ZNF529: variants seen among roughly 807,000 people sequenced by gnomAD.
ZNF529 encodes the protein zinc finger protein 529.
Under a neutral mutation model 10.1 loss-of-function variants are expected in ZNF529, and 11 were observed. That is an observed-to-expected ratio of 1.09 (90% CI 0.69 to 1.81). The LOEUF (loss-of-function observed/expected upper bound fraction) is 1.81, where lower values mean the gene tolerates loss of function less well. ZNF529 is among the 40% of genes most tolerant of loss of function. ZNF529 has a pLI of 0.00. For missense variants in ZNF529, 624 were observed against 666.8 expected, an observed-to-expected ratio of 0.94 and a Z score of 0.71; for synonymous variants, 204 against 215.7, an observed-to-expected ratio of 0.95 and a Z score of 0.47.
chr19:36,570,978 G>A (rs1438199862), intron 2 of ZNF529, among the ~76,000 whole-genome samples: 2 of 152,130 alleles, frequency 1.3e-5, no homozygotes, highest in African/African-American at 2.4e-5. Flanking sequence ...AAACTGTAAA[G>A]CGGAAAAATG....
intron 2 of ZNF529, among the ~76,000 whole-genome samples, chr19:36,562,681 C>CA (rs1474663172): frequency 2.0e-5 from 3 of 151,480 alleles, no homozygotes; most frequent in African/African-American, 4.8e-5. Flanking sequence ...TAAAAAACTA[C>CA]AAAAAAATAG....
At chr19:36,598,496 A>AG (rs527667607) in intron 1 of ZNF529, among the ~76,000 whole-genome samples, 16 of 151,952 alleles carry the variant, frequency 1.1e-4, no homozygotes, top group Admixed American at 1.3e-4. Flanking sequence ...TGGGTGACAG[A>AG]GCAAGACCCT....
At chr19:36,560,853 G>A (rs2035664437) in intron 2 of ZNF529, among the ~76,000 whole-genome samples, 1 of 152,208 alleles carries the variant, frequency 6.6e-6, no homozygotes, top group South Asian at 2.1e-4. Flanking sequence ...TAACTACTCA[G>A]AGTAAAATGT....
At chr19:36,572,453 G>T in intron 1 of ZNF529, 61 bp from the exon 2 acceptor site, 1 of 1,332,108 alleles carries the variant, frequency 7.5e-7, no homozygotes, top group Non-Finnish European at 1.0e-6. Flanking sequence ...TAAGAACACA[G>T]TGTTCACCAC....
upstream of ZNF529, among the ~76,000 whole-genome samples, chr19:36,575,403 G>A (rs1380946503): frequency 6.6e-6 from 1 of 152,140 alleles, no homozygotes; most frequent in Non-Finnish European, 1.5e-5. Context: ...TAGCACAGAA[G>A]TAAAATACTT....
chr19:36,575,712 A>G (rs943563877), upstream of ZNF529, among the ~76,000 whole-genome samples: 5 of 152,288 alleles, frequency 3.3e-5, no homozygotes, highest in African/African-American at 9.6e-5. Flanking sequence ...CTACTTCCCC[A>G]ACCGGTATTA....
intron 1 of ZNF529, 115 bp from the exon 2 acceptor site, chr19:36,572,507 G>A (rs2036160324): frequency 2.6e-6 from 2 of 771,658 alleles, no homozygotes; most frequent in Non-Finnish European, 4.2e-6. Context: ...AGATCGAAGA[G>A]GGAAACTAGA....
chr19:36,546,626 A>G lies in ZNF529; in HGVS notation c.*240T>C, dbSNP rs759686280. 18 of 399,878 alleles carry G rather than the reference A, an allele frequency of 4.5e-5. No homozygotes were observed. The highest frequency in any genetic ancestry group is 8.0e-5 in the Admixed American group (2 of 24,872). The allele number at this position is 399,878 out of a possible 1,614,324, so 24.8% of individuals were successfully genotyped here. Reference sequence around the variant, plus strand: ...ATTGTAAACAAAACATGCCAGGATGAGAAACTCATGAAAAAAACTTTTTAA... The same window carrying G: ...ATTGTAAACAAAACATGCCAGGATGGGAAACTCATGAAAAAAACTTTTTAA... On this transcript the variant is annotated 3_prime_UTR_variant, in exon 5 of 5. Coordinates refer to ENST00000591340, the MANE Select transcript of ZNF529 (RefSeq NM_020951.5).
Position 36,546,941 on chromosome 19 carries a change from A to C in ZNF529, c.1617T>G (p.Cys539Trp). 6.2e-7 allele frequency: 1 copy of C among 1,613,872 alleles called. No homozygotes were observed. The highest frequency in any genetic ancestry group is 8.5e-7 in the Non-Finnish European group (1 of 1,179,810). ...GCCCAACAACACTAAAGGAATTCCC[A>C]CACTCCTTACATTCATAGGGTTTAT... is the stretch of plus-strand genomic sequence containing the variant. ...TDDKPYECKE[C>W]GNSFSVVGHL... Residue 539 changes from cysteine to tryptophan, a missense_variant, in exon 5 of 5, where the codon TGT becomes TGG. Cys to Trp is a radical substitution (Grantham distance 215). Coordinates refer to ENST00000591340, the MANE Select transcript of ZNF529 (RefSeq NM_020951.5).
intron 2 of ZNF529, among the ~76,000 whole-genome samples, chr19:36,585,708 A>G (rs1810289702): frequency 6.6e-6 from 1 of 152,226 alleles, no homozygotes; most frequent in African/African-American, 2.4e-5. Context: ...TTCCTAAGTG[A>G]TTAACTCATG....
intron 2 of ZNF529, among the ~76,000 whole-genome samples, chr19:36,556,496 C>G (rs1272641144): frequency 3.3e-5 from 5 of 152,192 alleles, no homozygotes; most frequent in Non-Finnish European, 7.3e-5. Flanking sequence ...TCACTTTTCA[C>G]TCTGCCCCAG....
At chr19:36,578,899 C>T (rs2036401367) in intron 2 of ZNF529, among the ~76,000 whole-genome samples, 1 of 151,490 alleles carries the variant, frequency 6.6e-6, no homozygotes, top group Non-Finnish European at 1.5e-5. Flanking sequence ...CACCCGGCCA[C>T]ATGTAGTATT....
Position 36,547,316 on chromosome 19 carries a change from CCT to C in ZNF529, c.1240_1241del (p.Arg414AspfsTer5). The C allele has an allele frequency of 6.2e-7, 1 of 1,613,746 alleles. No individual in the cohort carries two copies. The highest frequency in any genetic ancestry group is 1.7e-4 in the Middle Eastern group (1 of 6,058). On this transcript the variant is annotated frameshift_variant, in exon 5 of 5. Coordinates refer to ENST00000591340, the MANE Select transcript of ZNF529 (RefSeq NM_020951.5). LOFTEE classifies it low-confidence loss of function (END_TRUNC). ...RNSSSLTRHQRIHTGEKPYKC... is the reference protein window; with the variant it reads ...RNSSSLTRHQXIHTGEKPYKC... The stretch of plus-strand genomic sequence containing the variant: ...TATAGGGTTTTTCACCAGTATGAAT[CCT>C]CTGATGTCTAGTCAGGGATGAACTA...
intron 1 of ZNF529, among the ~76,000 whole-genome samples, chr19:36,599,777 C>T (rs2036894681): frequency 6.6e-6 from 1 of 151,986 alleles, no homozygotes; most frequent in East Asian, 1.9e-4. Context: ...ATTAAGAAAA[C>T]TGTGAGCAAA....
chr19:36,567,260 C>T (rs2035934939), intron 2 of ZNF529, among the ~76,000 whole-genome samples: 1 of 152,032 alleles, frequency 6.6e-6, no homozygotes, highest in South Asian at 2.1e-4. Context: ...ACAGTCTTTT[C>T]AACAAATGGT....
At chr19:36,584,693 G>C (rs912013367) in intron 2 of ZNF529, among the ~76,000 whole-genome samples, 3 of 151,860 alleles carry the variant, frequency 2.0e-5, no homozygotes, top group Non-Finnish European at 4.4e-5. Flanking sequence ...CTTGAACCCA[G>C]GAGGTGGTGG....
upstream of ZNF529, among the ~76,000 whole-genome samples, chr19:36,576,729 A>G (rs2036327583): frequency 6.6e-6 from 1 of 151,450 alleles, no homozygotes; most frequent in African/African-American, 2.4e-5. Context: ...AATAATAATA[A>G]TAATAATAAT....
intron 2 of ZNF529, among the ~76,000 whole-genome samples, chr19:36,557,545 T>C (rs2145812128): frequency 6.6e-6 from 1 of 152,254 alleles, no homozygotes; most frequent in Admixed American, 6.5e-5. Flanking sequence ...ACAAGAACAG[T>C]ATGGGGGAAA....
At chr19:36,548,997 C>T (rs916993617) in intron 4 of ZNF529, among the ~76,000 whole-genome samples, 1 of 152,002 alleles carries the variant, frequency 6.6e-6, no homozygotes, top group East Asian at 1.9e-4. Flanking sequence ...AGCGAGAGTC[C>T]GTCTCAAAAA....
Sources: gnomAD v4.1 joint callset for allele counts (sites outside exome capture counted in the v4.1 genomes callset) on GRCh38, gnomAD v4.1.1 for gene constraint, MANE v1.5 for transcripts, NCBI Gene and HGNC (gene_info 2026-07-23, HGNC 2026-07-21) for gene names.